The following PLA2G15 variants were observed in gnomAD, a reference collection of about 807,000 sequenced individuals.
PLA2G15 encodes phospholipase A2 group XV, also known as lysosomal phospholipase A and acyltransferase.
Under a neutral mutation model 40.9 loss-of-function variants are expected in PLA2G15, and 20 were observed. That is an observed-to-expected ratio of 0.49 (90% CI 0.34 to 0.71). The LOEUF (loss-of-function observed/expected upper bound fraction) is 0.71. PLA2G15 is among the 30% of genes least tolerant of loss of function. The probability of loss-of-function intolerance (pLI) is 0.01; values close to 1 mark genes in which losing one functional copy is unlikely to be tolerated. For missense variants in PLA2G15, 471 were observed against 541.9 expected, an observed-to-expected ratio of 0.87 and a Z score of 1.30; for synonymous variants, 223 against 228.2, an observed-to-expected ratio of 0.98 and a Z score of 0.21.
intron 2 of PLA2G15, chr16:68,253,661 C>T (rs1475631634): frequency 9.5e-6 from 2 of 210,868 alleles, no homozygotes; most frequent in Non-Finnish European, 1.9e-5. Context: ...AGGCGTGAGC[C>T]CCTGTGCCTG....
At chr16:68,245,979 A>G (rs777463675) in intron 1 of PLA2G15, among the ~76,000 whole-genome samples, 5 of 152,170 alleles carry the variant, frequency 3.3e-5, no homozygotes, top group African/African-American at 9.7e-5. Flanking sequence ...GACCCCTCCA[A>G]TGCCACATAT....
rs1394844651 is a variant in PLA2G15, at chr16:68,245,380, CAG to C, written c.-42_-41del. 1 of 1,590,696 alleles carries C rather than the reference CAG, an allele frequency of 6.3e-7. No individual in the cohort carries two copies. Among genetic ancestry groups the C allele is most frequent in the Non-Finnish European group, 8.5e-7 (1 of 1,173,096 alleles). Reference sequence around the variant, plus strand: ...CACCGCCCCCGCCTAGGCGAGAGCCCAGAGAGCTGAACCTGCATCCCGGACCT... The same window carrying C: ...CACCGCCCCCGCCTAGGCGAGAGCCCAGAGCTGAACCTGCATCCCGGACCT... On this transcript the variant is annotated 5_prime_UTR_variant, in exon 1 of 6. Coordinates refer to ENST00000219345, the MANE Select transcript of PLA2G15 (RefSeq NM_012320.4).
intron 5 of PLA2G15, among the ~76,000 whole-genome samples, chr16:68,257,273 C>T (rs2042409354): frequency 6.6e-6 from 1 of 152,170 alleles, no homozygotes; most frequent in Non-Finnish European, 1.5e-5. Flanking sequence ...GATCTGCCCA[C>T]CTTGACCTCC....
chr16:68,258,345 A>C (rs1450220087), intron 5 of PLA2G15, among the ~76,000 whole-genome samples: 2 of 152,210 alleles, frequency 1.3e-5, no homozygotes, highest in African/African-American at 4.8e-5. Context: ...GGAAAGCAGA[A>C]CATGTCATCT....
At chr16:68,257,025 C>T (rs952311621) in intron 5 of PLA2G15, among the ~76,000 whole-genome samples, 6 of 151,868 alleles carry the variant, frequency 4.0e-5, no homozygotes, top group East Asian at 1.9e-4. Flanking sequence ...GGACTACAGG[C>T]GCGTACCACC....
chr16:68,253,695 T>TTTTG (rs1359566433), intron 2 of PLA2G15, among the ~76,000 whole-genome samples: 9 of 146,834 alleles, frequency 6.1e-5, no homozygotes, highest in African/African-American at 1.8e-4. Context: ...TGTTTTGTTT[T>TTTTG]TTTTTTTTTT....
Position 68,246,827 on chromosome 16 carries a change from G to A in PLA2G15, c.127+1274G>A, listed in dbSNP as rs548259409. On this transcript the variant is annotated intron_variant, in intron 1 of 5. Transcript: ENST00000219345. ...GACGTGAGCATCTCAGGCTGCCTGG[G>A]ATCGAGTCACAGGAGGAGTGGACTG... is the stretch of plus-strand genomic sequence containing the variant. Among the ~76,000 whole-genome samples, 3 of 152,178 alleles carry A rather than the reference G, an allele frequency of 2.0e-5. No individual in the cohort carries two copies. In the South Asian group the frequency reaches 6.2e-4, roughly 31 times the overall value.
In PLA2G15 at chr16:68,259,723, G is replaced by C; in HGVS notation, c.*66G>C. The C allele has an allele frequency of 6.6e-7, 1 of 1,506,458 alleles. No individual in the cohort carries two copies. The highest frequency in any genetic ancestry group is 9.0e-7 in the Non-Finnish European group (1 of 1,114,158). 93.3% of individuals were successfully genotyped at this position (1,506,458 alleles called of 1,614,324 possible). ...GCTGTTGGCCTCTGGGGCTGTCATG[G>C]CCCACGCGTTTTGCAAAGTTTGTGA... On this transcript the variant is annotated 3_prime_UTR_variant, in exon 6 of 6. Transcript: ENST00000219345. This position sits in a 1 kb window ranked among gnomAD's most constrained non-coding sequence, Gnocchi z 6.5.
chr16:68,253,021 G>A (rs1303399305), intron 2 of PLA2G15, among the ~76,000 whole-genome samples: 1 of 152,174 alleles, frequency 6.6e-6, no homozygotes, highest in Non-Finnish European at 1.5e-5. Flanking sequence ...GGGATCTTAA[G>A]TCAGTAGCTG....
Position 68,259,445 on chromosome 16 carries a change from T to C in PLA2G15, c.1027T>C (p.Tyr343His). The change falls in exon 6 of 6, where the codon TAC (tyrosine) becomes CAC (histidine). Residue 343 changes from tyrosine to histidine, a missense_variant. Tyr to His is a moderately conservative substitution (Grantham distance 83). Coordinates refer to ENST00000219345, the MANE Select transcript of PLA2G15 (RefSeq NM_012320.4). This position sits in a 1 kb window ranked among gnomAD's most constrained non-coding sequence, Gnocchi z 6.5. Reference sequence around the variant, plus strand: ...TGGCGTCCCCACACCAGACTCCTTCTACTATGAGAGCTTCCCTGACCGTGA... The same window carrying C: ...TGGCGTCCCCACACCAGACTCCTTCCACTATGAGAGCTTCCCTGACCGTGA... ...GTGVPTPDSF[Y>H]YESFPDRDPK... 6.2e-7 allele frequency: 1 copy of C among 1,613,876 alleles called. No homozygotes were observed. Among genetic ancestry groups the C allele is most frequent in the Non-Finnish European group, 8.5e-7 (1 of 1,179,988 alleles).
chr16:68,259,627 C>G lies in PLA2G15; in HGVS notation c.1209C>G (p.Ala403=), dbSNP rs201908863. The G allele has an allele frequency of 4.3e-6, 7 of 1,613,014 alleles. No homozygotes were observed. In the African/African-American group the frequency reaches 9.3e-5, roughly 21 times the overall value. The change falls in exon 6 of 6, where the codon GCC becomes GCG. Residue 403 remains alanine (A), a synonymous_variant. Transcript: ENST00000219345. This position sits in a 1 kb window ranked among gnomAD's most constrained non-coding sequence, Gnocchi z 6.5. ...IEMLANATTL[A]YLKRVLLGP is the part of the protein sequence containing the mutation. ...TGCTGGCCAACGCCACCACCCTGGCCTATCTGAAACGTGTGCTCCTTGGGC... is the reference window on the plus strand; with the variant it reads ...TGCTGGCCAACGCCACCACCCTGGCGTATCTGAAACGTGTGCTCCTTGGGC...
chr16:68,250,132 A>G (rs1484851980), intron 2 of PLA2G15, among the ~76,000 whole-genome samples: 2 of 145,218 alleles, frequency 1.4e-5, no homozygotes, highest in Non-Finnish European at 3.0e-5. Flanking sequence ...TTGGCCTGGA[A>G]TCTATTTCTA....
In PLA2G15 at chr16:68,258,928, C is replaced by T. The variant is rs1284764446; in HGVS notation, c.728-218C>T. 3 of 565,192 alleles carry T rather than the reference C, an allele frequency of 5.3e-6. No individual in the cohort carries two copies. The African/African-American group carries it at 5.6e-5, about 11-fold the overall frequency. 35.0% of individuals were successfully genotyped at this position (565,192 alleles called of 1,614,324 possible). On this transcript the variant is annotated intron_variant, in intron 5 of 5. Transcript: ENST00000219345. Reference sequence around the variant, plus strand: ...TGAGCCGTGATCATGCCATTATACTCCAGCCTGGGCAACAGAGTGAGACCC... The same window carrying T: ...TGAGCCGTGATCATGCCATTATACTTCAGCCTGGGCAACAGAGTGAGACCC...
intron 1 of PLA2G15, chr16:68,248,781 C>T (rs2042331128): frequency 1.1e-6 from 1 of 923,570 alleles, no homozygotes; most frequent in South Asian, 4.7e-5. Flanking sequence ...AGGCAGAGCT[C>T]CCATCGGGGT....
chr16:68,257,950 G>A (rs1213876030), intron 5 of PLA2G15, among the ~76,000 whole-genome samples: 13 of 152,128 alleles, frequency 8.5e-5, no homozygotes, highest in Admixed American at 8.5e-4. Context: ...CACCCCTAGG[G>A]GCTTTCCTTG....
chr16:68,245,536 AC>A lies in PLA2G15; in HGVS notation c.116del (p.Pro39GlnfsTer39). 6 of 1,582,460 alleles carry A rather than the reference AC, an allele frequency of 3.8e-6. No individual in the cohort carries two copies. The highest frequency in any genetic ancestry group is 2.6e-6 in the Non-Finnish European group (3 of 1,170,692). Reference sequence around the variant, plus strand: ...GACCCAGCGCTCCCGGCCGGACGTCACCCCCCAGTGGTGCTGGGTGAGGCAC... The same window carrying A: ...GACCCAGCGCTCCCGGCCGGACGTCACCCCCAGTGGTGCTGGGTGAGGCAC... Reference protein sequence around the residue: ...LADPALPAGRHPPVVLVPGDL... With the variant: ...LADPALPAGRXPPVVLVPGDL... On this transcript the variant is annotated frameshift_variant, in exon 1 of 6. Coordinates refer to ENST00000219345, the MANE Select transcript of PLA2G15 (RefSeq NM_012320.4). LOFTEE classifies it high-confidence loss of function.
chr16:68,255,283 T>C lies in PLA2G15; in HGVS notation c.405T>C (p.Gly135=), dbSNP rs116346734. 6.0e-5 allele frequency: 96 copies of C among 1,609,830 alleles called. No individual in the cohort carries two copies. The African/African-American group carries it at 1.2e-3, about 19-fold the overall frequency. The change falls in exon 4 of 6, where the codon GGT becomes GGC. Residue 135 remains glycine (G), a splice_region_variant and synonymous_variant. Coordinates refer to ENST00000219345, the MANE Select transcript of PLA2G15 (RefSeq NM_012320.4). This position sits in a 1 kb window ranked among gnomAD's most constrained non-coding sequence, Gnocchi z 5.9. The part of the protein sequence containing the change: ...EFLDPSKSSV[G]SYFHTMVESL... Reference sequence around the variant, plus strand: ...TATCCTCTGTATTTCTGTCTACAGGTTCCTATTTCCACACCATGGTGGAGA... The same window carrying C: ...TATCCTCTGTATTTCTGTCTACAGGCTCCTATTTCCACACCATGGTGGAGA...
intron 1 of PLA2G15, 67 bp downstream of exon 1, chr16:68,245,620 C>G: frequency 2.0e-6 from 3 of 1,506,774 alleles, no homozygotes; most frequent in Non-Finnish European, 2.7e-6. Flanking sequence ...GGCTGCCTTC[C>G]CGGTCTGCTT....
At chr16:68,245,595 A>T (rs2042302530) in intron 1 of PLA2G15, 42 bp downstream of exon 1, 1 of 1,540,356 alleles carries the variant, frequency 6.5e-7, no homozygotes, top group Middle Eastern at 1.7e-4. Flanking sequence ...GTCGGGCGGG[A>T]CGGGCCGCGG....
Sources: gnomAD v4.1 joint callset for allele counts (sites outside exome capture counted in the v4.1 genomes callset) on GRCh38, gnomAD v4.1.1 for gene constraint, Gnocchi (gnomAD v3.1) non-coding constraint, MANE v1.5 for transcripts, NCBI Gene and HGNC (gene_info 2026-07-23, HGNC 2026-07-21) for gene names.